CNTNAP5: variants seen among roughly 807,000 people sequenced by gnomAD.
CNTNAP5 encodes the protein contactin-associated protein-like 5.
In CNTNAP5, 72 loss-of-function variants were observed where a neutral mutation model predicts 150.2. The ratio of observed to expected loss-of-function variants is 0.48; its 90% CI spans 0.40 to 0.58. CNTNAP5 has a LOEUF of 0.58. CNTNAP5 is among the 20% of genes least tolerant of loss of function. The pLI is 0.00. For synonymous variants in CNTNAP5, 672 were observed against 619.8 expected (o/e 1.08, Z -1.25); for missense variants, 1,636 against 1,626.2 (o/e 1.01, Z -0.10).
intron 14 of CNTNAP5, among the ~76,000 whole-genome samples, chr2:124,758,330 A>G (rs1450530131): frequency 6.6e-6 from 1 of 152,166 alleles, no homozygotes; most frequent in Non-Finnish European, 1.5e-5. Context: ...GACCCCTGAG[A>G]AAATGACTAG....
At chr2:124,079,669 A>G (rs771762953) in intron 1 of CNTNAP5, among the ~76,000 whole-genome samples, 1 of 152,170 alleles carries the variant, frequency 6.6e-6, no homozygotes, top group Non-Finnish European at 1.5e-5. Context: ...TCACTTTATC[A>G]AAGGAAAAAA....
At chr2:124,750,758 G>A (rs961811420) in intron 14 of CNTNAP5, among the ~76,000 whole-genome samples, 3 of 152,090 alleles carry the variant, frequency 2.0e-5, no homozygotes, top group East Asian at 2.0e-4. Context: ...GGCCGAGGTG[G>A]GCGGATCACG....
At chr2:124,783,792 C>A (rs1681503654) in intron 17 of CNTNAP5, among the ~76,000 whole-genome samples, 1 of 152,036 alleles carries the variant, frequency 6.6e-6, no homozygotes, top group Non-Finnish European at 1.5e-5. Flanking sequence ...TTTTGGGCAT[C>A]CAGTTAATAC....
chr2:124,175,157 G>A (rs376487777), intron 1 of CNTNAP5, among the ~76,000 whole-genome samples: 4 of 151,992 alleles, frequency 2.6e-5, no homozygotes, highest in African/African-American at 9.6e-5. Context: ...TAAATGGTCT[G>A]GAACAAGACT....
intron 3 of CNTNAP5, among the ~76,000 whole-genome samples, chr2:124,400,336 AAG>A (rs1401779416): frequency 2.0e-5 from 3 of 152,116 alleles, no homozygotes; most frequent in African/African-American, 7.2e-5. Flanking sequence ...GACAGAGAGA[AAG>A]AGAAATCATG....
Position 124,025,616 on chromosome 2 carries a change from G to A in CNTNAP5, c.-35G>A, listed in dbSNP as rs139847789. ...GCCGCGGCTGGCTACTGCGAATTTG[G>A]GATTCGATTGGGAGGGACCGCTCAC... On this transcript the variant is annotated 5_prime_UTR_variant, in exon 1 of 24. Coordinates refer to ENST00000682447, the MANE Select transcript of CNTNAP5 (RefSeq NM_001367498.1). 2.5e-6 allele frequency: 4 copies of A among 1,601,418 alleles called. No individual in the cohort carries two copies. The highest frequency in any genetic ancestry group is 2.7e-5 in the African/African-American group (2 of 74,760).
intron 1 of CNTNAP5, among the ~76,000 whole-genome samples, chr2:124,217,493 G>A (rs1305097164): frequency 6.6e-6 from 1 of 152,138 alleles, no homozygotes; most frequent in African/African-American, 2.4e-5. Context: ...ATGTGCTTGG[G>A]GTAGTACTGA....
chr2:124,660,402 C>T (rs1261601230), intron 13 of CNTNAP5, among the ~76,000 whole-genome samples: 3 of 152,098 alleles, frequency 2.0e-5, no homozygotes, highest in African/African-American at 7.2e-5. Flanking sequence ...TTTCAATGAA[C>T]CAAGTAGTAT....
intron 12 of CNTNAP5, 104 bp from the exon 13 acceptor site, chr2:124,647,654 T>C (rs1044821921): frequency 2.0e-6 from 2 of 982,572 alleles, no homozygotes; most frequent in Non-Finnish European, 3.0e-6. Context: ...GGTACCGGAG[T>C]GTTGATTAAT....
intron 7 of CNTNAP5, 54 bp downstream of exon 7, chr2:124,474,936 C>T (rs1276194629): frequency 6.7e-7 from 1 of 1,495,116 alleles, no homozygotes; most frequent in Non-Finnish European, 9.1e-7. Flanking sequence ...TGGGGTAAGT[C>T]TTGCTTTCAC....
intron 21 of CNTNAP5, among the ~76,000 whole-genome samples, chr2:124,886,278 T>C (rs572343072): frequency 6.6e-6 from 1 of 152,144 alleles, no homozygotes; most frequent in South Asian, 2.1e-4. Context: ...TAATATGTGG[T>C]TCAAGGAGAT....
intron 11 of CNTNAP5, among the ~76,000 whole-genome samples, chr2:124,580,132 G>T (rs762711635): frequency 6.6e-6 from 1 of 152,200 alleles, no homozygotes; most frequent in African/African-American, 2.4e-5. Flanking sequence ...CTATTTCCCA[G>T]TGGGTTTCAA....
At chr2:124,203,114 C>T (rs752934583) in intron 1 of CNTNAP5, among the ~76,000 whole-genome samples, 67 of 152,242 alleles carry the variant, frequency 4.4e-4, no homozygotes, top group Non-Finnish European at 7.9e-4. Flanking sequence ...GGAGGACAGG[C>T]ATTGTGTAAA....
chr2:124,760,925 C>T (rs1300699242), intron 14 of CNTNAP5, among the ~76,000 whole-genome samples: 2 of 152,050 alleles, frequency 1.3e-5, no homozygotes, highest in East Asian at 3.9e-4. Context: ...GAAAGCTGAT[C>T]CCCAGAGTGA....
intron 19 of CNTNAP5, among the ~76,000 whole-genome samples, chr2:124,809,213 A>G (rs1682149640): frequency 6.6e-6 from 1 of 152,144 alleles, no homozygotes; most frequent in Non-Finnish European, 1.5e-5. Context: ...CAAATAACCA[A>G]GGCTACTCAG....
At chr2:124,026,681 A>G (rs762994752) in intron 1 of CNTNAP5, among the ~76,000 whole-genome samples, 1 of 152,266 alleles carries the variant, frequency 6.6e-6, no homozygotes, top group African/African-American at 2.4e-5. Context: ...AAGATGGTTT[A>G]TCAAGGTCCC....
chr2:124,419,140 C>CAAAAAAAAAAAAAAAAAAAAAAAAAAAAA (rs778863758), intron 4 of CNTNAP5, among the ~76,000 whole-genome samples: 2 of 28,902 alleles, frequency 6.9e-5, no homozygotes, highest in Admixed American at 5.8e-4. Context: ...GACTCCTTCT[C>CAAAAAAAAAAAAAAAAAAAAAAAAAAAAA]AAAAAAAAAA....
intron 3 of CNTNAP5, among the ~76,000 whole-genome samples, chr2:124,311,835 G>A (rs1283929337): frequency 1.3e-5 from 2 of 152,136 alleles, no homozygotes; most frequent in Admixed American, 6.6e-5. Context: ...CATGATCTCT[G>A]CCCTTCTGGA....
intron 1 of CNTNAP5, among the ~76,000 whole-genome samples, chr2:124,208,528 A>T (rs1685923116): frequency 6.6e-6 from 1 of 152,236 alleles, no homozygotes; most frequent in East Asian, 1.9e-4. Context: ...TTTAGCCCTG[A>T]GCTCTGCCCA....
Sources: gnomAD v4.1 joint callset for allele counts (sites outside exome capture counted in the v4.1 genomes callset) on GRCh38, gnomAD v4.1.1 for gene constraint, MANE v1.5 for transcripts, NCBI Gene and HGNC (gene_info 2026-07-23, HGNC 2026-07-21) for gene names.